Variants in AASDH observed in about 807,000 individuals in gnomAD.
The protein encoded by AASDH is aminoadipate-semialdehyde dehydrogenase, also known as beta-alanine-activating enzyme.
Under a neutral mutation model 102.3 loss-of-function variants are expected in AASDH, and 81 were observed. The ratio of observed to expected loss-of-function variants is 0.79; its 90% CI spans 0.66 to 0.95. The LOEUF is 0.95. Ranked by LOEUF, AASDH falls within the 40% of genes least tolerant of loss-of-function variation. The probability of loss-of-function intolerance (pLI) is 0.00; values close to 1 mark genes in which losing one functional copy is unlikely to be tolerated. For synonymous variants in AASDH, 398 were observed against 454.0 expected (o/e 0.88, Z 1.57); for missense variants, 1,203 against 1,266.2 (o/e 0.95, Z 0.76).
At chr4:56,370,406 G>A (rs931801391) in intron 5 of AASDH, among the ~76,000 whole-genome samples, 2 of 151,544 alleles carry the variant, frequency 1.3e-5, no homozygotes, top group Non-Finnish European at 2.9e-5. Context: ...AAGAAAGAAA[G>A]AAAAGAAAAG....
Position 56,378,159 on chromosome 4 carries a change from G to C in AASDH, c.657C>G (p.Ile219Met). 1 of 1,597,010 alleles carries C rather than the reference G, an allele frequency of 6.3e-7. No individual in the cohort carries two copies. Among genetic ancestry groups the C allele is most frequent in the Non-Finnish European group, 8.5e-7 (1 of 1,172,142 alleles). ...AGACTAGAACTTACCGAAAATGCTG[G>C]ATATTTGGTACTATACACTTATGAG... is the stretch of plus-strand genomic sequence containing the variant. The part of the protein sequence containing the change: ...RVPHKCIVPN[I>M]QHFRVLFDIT... The change falls in exon 4 of 15, where the codon ATC becomes ATG. Residue 219 changes from isoleucine to methionine, a missense_variant. By Grantham distance (10) the Ile-to-Met change is conservative (BLOSUM62 1). Transcript: ENST00000205214.
intron 3 of AASDH, chr4:56,382,193 A>G (rs1039598612): frequency 1.3e-5 from 4 of 302,362 alleles, no homozygotes; most frequent in Admixed American, 5.4e-5. Context: ...AGGGGTGGAG[A>G]GCCCCTCTGG....
chr4:56,352,549 G>A (rs1349359554), intron 9 of AASDH, among the ~76,000 whole-genome samples: 6 of 152,092 alleles, frequency 3.9e-5, no homozygotes, highest in Non-Finnish European at 7.4e-5. Context: ...GTGCACCACT[G>A]CAATCAGCTA....
intron 11 of AASDH, chr4:56,348,890 C>T (rs986827209): frequency 1.5e-5 from 3 of 202,792 alleles, no homozygotes; most frequent in South Asian, 2.4e-4. Flanking sequence ...CTAAGCTGCT[C>T]CTGAATTGCT....
chr4:56,343,560 A>G lies in AASDH; in HGVS notation c.2775+2T>C. The G allele has an allele frequency of 6.2e-7, 1 of 1,601,706 alleles. No individual in the cohort carries two copies. Among genetic ancestry groups the G allele is most frequent in the Non-Finnish European group, 8.5e-7 (1 of 1,174,072 alleles). ...AATCAATATGTATTATTTTATGCCTACAGGATTTACAGCCAGTAAAAGTCC... is the reference window on the plus strand; with the variant it reads ...AATCAATATGTATTATTTTATGCCTGCAGGATTTACAGCCAGTAAAAGTCC... On this transcript the variant is annotated splice_donor_variant, in intron 13 of 14. Coordinates refer to ENST00000205214, the MANE Select transcript of AASDH (RefSeq NM_181806.4). LOFTEE classifies it high-confidence loss of function.
intron 3 of AASDH, among the ~76,000 whole-genome samples, chr4:56,380,257 G>C (rs537633402): frequency 3.2e-4 from 49 of 152,196 alleles, no homozygotes; most frequent in Non-Finnish European, 6.6e-4. Context: ...AATTAATCCA[G>C]AAGTGAGTTT....
rs2109849935 is a variant in AASDH at position 56,343,685 on chromosome 4, C to T, written c.2653-1G>A. The T allele has an allele frequency of 1.2e-6, 2 of 1,604,658 alleles. No homozygotes were observed. Among genetic ancestry groups the T allele is most frequent in the South Asian group, 1.1e-5 (1 of 88,750 alleles). On this transcript the variant is annotated splice_acceptor_variant, in intron 12 of 14. Coordinates refer to ENST00000205214, the MANE Select transcript of AASDH (RefSeq NM_181806.4). LOFTEE classifies it high-confidence loss of function. ...TTGACTTCCAAACACACTTCTTTCT[C>T]TGCAAATAAGAAAACAAATTAATTT...
At position 56,345,174 on chromosome 4, in the gene AASDH, T is replaced by C. The variant is rs748704094; in HGVS notation, c.2605A>G (p.Ile869Val). 9 of 1,614,154 alleles carry C rather than the reference T, an allele frequency of 5.6e-6. No individual in the cohort carries two copies. In the South Asian group the frequency reaches 9.9e-5, roughly 18 times the overall value. Residue 869 changes from isoleucine (I) to valine (V), a missense_variant, in exon 12 of 15, where the codon ATT (isoleucine) becomes GTT (valine). Transcript: ENST00000205214. ...SATMDPTTGLIYIGSHDQHAY... is the reference protein window; with the variant it reads ...SATMDPTTGLVYIGSHDQHAY... ...TGCTGGTCATGAGATCCAATGTAAA[T>C]GAGTCCTGTGGTTGGATCCATGGTT...
chr4:56,356,716 A>G (rs1411066034), intron 5 of AASDH: 13 of 705,716 alleles, frequency 1.8e-5, no homozygotes, highest in Non-Finnish European at 3.4e-5. Context: ...TCTAGTCCAC[A>G]GGAAGACCTG....
At chr4:56,386,799 C>CAAAAAAAA (rs386400124) in intron 1 of AASDH, among the ~76,000 whole-genome samples, 5 of 48,826 alleles carry the variant, frequency 1.0e-4, no homozygotes, top group Admixed American at 3.5e-4. Context: ...GACTCCGTCT[C>CAAAAAAAA]AAAAAAAAAA....
chr4:56,348,546 C>T (rs1433709541), intron 11 of AASDH, among the ~76,000 whole-genome samples: 6 of 152,190 alleles, frequency 3.9e-5, no homozygotes, highest in South Asian at 4.2e-4. Context: ...TGAGCCACCG[C>T]GCCTGGCTGA....
chr4:56,341,973 A>C (rs1485037886), intron 14 of AASDH, among the ~76,000 whole-genome samples: 1 of 151,814 alleles, frequency 6.6e-6, no homozygotes, highest in African/African-American at 2.4e-5. Context: ...TTAGCCAGGC[A>C]TGGCAGCATG....
intron 4 of AASDH, among the ~76,000 whole-genome samples, chr4:56,377,090 TA>T (rs200600503): frequency 0.016 from 2,403 of 146,028 alleles, 77 homozygotes; most frequent in African/African-American, 0.057. Flanking sequence ...AATAAATAAA[TA>T]AAATAAAATA....
chr4:56,344,441 T>C (rs999714314), intron 12 of AASDH, among the ~76,000 whole-genome samples: 2 of 152,124 alleles, frequency 1.3e-5, no homozygotes, highest in East Asian at 3.8e-4. Context: ...TTCTTTGGGG[T>C]CCTGTGTATT....
Position 56,354,069 on chromosome 4 carries a change from G to A in AASDH, c.1353C>T (p.Gly451=), listed in dbSNP as rs1214834781. 2 of 1,611,490 alleles carry A rather than the reference G, an allele frequency of 1.2e-6. No homozygotes were observed. Among genetic ancestry groups the A allele is most frequent in the African/African-American group, 2.7e-5 (2 of 74,792 alleles). Reference sequence around the variant, plus strand: ...GCACAAGTTCAATGTTAAGACGTTTGCCATGACGTTTGATCTGACTGTCTT... The same window carrying A: ...GCACAAGTTCAATGTTAAGACGTTTACCATGACGTTTGATCTGACTGTCTT... ...GRKDSQIKRH[G]KRLNIELVQQ... is the part of the protein sequence containing the mutation. Residue 451 remains glycine, a synonymous_variant, in exon 8 of 15, where the codon GGC becomes GGT. Coordinates refer to ENST00000205214, the MANE Select transcript of AASDH (RefSeq NM_181806.4).
At chr4:56,346,980 G>A (rs1186667173) in intron 11 of AASDH, among the ~76,000 whole-genome samples, 1 of 151,658 alleles carries the variant, frequency 6.6e-6, no homozygotes, top group Non-Finnish European at 1.5e-5. Context: ...GTTCGAGGGT[G>A]TAGTAAGCCA....
At chr4:56,354,855 A>C in intron 6 of AASDH, 44 bp from the exon 7 acceptor site, 1 of 1,442,740 alleles carries the variant, frequency 6.9e-7, no homozygotes, top group Non-Finnish European at 9.5e-7. Context: ...TTTTCATTTG[A>C]ATAGAATATT....
Position 56,378,237 on chromosome 4 carries a change from G to A in AASDH, c.579C>T (p.Ala193=), listed in dbSNP as rs1288543533. 6.2e-7 allele frequency: 1 copy of A among 1,614,208 alleles called. No homozygotes were observed. Among genetic ancestry groups the A allele is most frequent in the Admixed American group, 1.7e-5 (1 of 60,030 alleles). ...TAGTCCCTGATGTATGTAGAACATA[G>A]GCTAAGCAATGCTTTAGCCTCAGAT... ...HMDLRLKHCL[A]YVLHTSGTTG... The change falls in exon 4 of 15, where the codon GCC becomes GCT. Residue 193 remains alanine (A), a synonymous_variant. Transcript: ENST00000205214.
chr4:56,341,310 C>G (rs1346955396), intron 14 of AASDH, among the ~76,000 whole-genome samples: 2 of 150,350 alleles, frequency 1.3e-5, no homozygotes, highest in Admixed American at 6.6e-5. Flanking sequence ...TATATAGATG[C>G]AGTGAAATAC....
Sources: allele counts gnomAD v4.1 joint callset (sites outside exome capture counted in the v4.1 genomes callset), GRCh38; gene constraint gnomAD v4.1.1; transcripts MANE v1.5; gene names NCBI Gene and HGNC (gene_info 2026-07-23, HGNC 2026-07-21).